Variants in NSD2 observed in about 807,000 individuals in gnomAD.
The protein encoded by NSD2 is nuclear receptor binding SET domain protein 2, also known as histone-lysine N-methyltransferase NSD2.
NSD2 carries 12 observed loss-of-function variants against 139.0 expected under a neutral mutation model. The observed-to-expected ratio is 0.09, with a 90% confidence interval of 0.06 to 0.14. NSD2 has a LOEUF of 0.14. Among genes scored for constraint, NSD2 ranks in the 10% least tolerant of loss-of-function variants. The pLI, the probability that NSD2 is intolerant of heterozygous loss-of-function variation, is 1.00. For missense variants in NSD2, 1,155 were observed against 1,745.0 expected (o/e 0.66, Z 6.02); for synonymous variants, 669 against 648.7 (o/e 1.03, Z -0.48).
chr4:1,911,403 C>T (rs780007384), intron 3 of NSD2, among the ~76,000 whole-genome samples: 6 of 151,684 alleles, frequency 4.0e-5, no homozygotes, highest in African/African-American at 1.2e-4. Context: ...GCCTGGCCAA[C>T]GTGATGAAAC....
chr4:1,891,869 A>G (rs1471668983), intron 1 of NSD2, among the ~76,000 whole-genome samples: 2 of 151,220 alleles, frequency 1.3e-5, no homozygotes, highest in Non-Finnish European at 3.0e-5. Context: ...AAAAAAAAAA[A>G]AACAAAAAAA....
intron 6 of NSD2, among the ~76,000 whole-genome samples, chr4:1,934,322 T>C (rs371750049): frequency 5.9e-5 from 9 of 151,422 alleles, no homozygotes; most frequent in African/African-American, 2.2e-4. Context: ...CGACCTCAGG[T>C]GATCCGCCCA....
At chr4:1,891,981 C>T (rs1715606770) in intron 1 of NSD2, among the ~76,000 whole-genome samples, 1 of 152,028 alleles carries the variant, frequency 6.6e-6, no homozygotes, top group Non-Finnish European at 1.5e-5. Flanking sequence ...TCCCCATTGC[C>T]CTCTATGCTT....
chr4:1,956,198 T>G lies in NSD2; in HGVS notation c.2881+10T>G. On this transcript the variant is annotated intron_variant, in intron 15 of 21. Transcript: ENST00000508803. The surrounding 1 kb of genome is among the most constrained non-coding windows in gnomAD (Gnocchi z 5.3). ...AGAGTCTTCAAAAACGGTACGGAGA[T>G]ATTCAGATAGAGAGTGAGACAGCAC... 2 of 1,586,822 alleles carry G rather than the reference T, an allele frequency of 1.3e-6. No homozygotes were observed. The highest frequency in any genetic ancestry group is 1.7e-6 in the Non-Finnish European group (2 of 1,164,656).
intron 1 of NSD2, among the ~76,000 whole-genome samples, chr4:1,896,389 T>C (rs1716307579): frequency 6.6e-6 from 1 of 152,244 alleles, no homozygotes. Flanking sequence ...CATTAGGCAG[T>C]GTAGCTAGAC....
At chr4:1,897,132 T>C (rs914040518) in intron 1 of NSD2, among the ~76,000 whole-genome samples, 2 of 151,118 alleles carry the variant, frequency 1.3e-5, no homozygotes, top group Non-Finnish European at 2.9e-5. Flanking sequence ...ATCATACCAC[T>C]GCACTCCAGC....
At position 1,946,049 on chromosome 4, in the gene NSD2, A is replaced by G. The variant is rs1378796208; in HGVS notation, c.1882-5023A>G. On this transcript the variant is annotated intron_variant, in intron 9 of 21. Transcript: ENST00000508803. ...TGTAACATTTTATGCTTTTAAAATC[A>G]ATAGATTCATCACCTTAGTTTTTTA... 4 of 1,035,040 alleles carry G rather than the reference A, an allele frequency of 3.9e-6. No homozygotes were observed. In the African/African-American group the frequency reaches 6.7e-5, roughly 17 times the overall value. The allele number at this position is 1,035,040 out of a possible 1,614,324, so 64.1% of individuals were successfully genotyped here.
chr4:1,943,575 TGCTGGACTGTATGGCTGAGG>T, intron 9 of NSD2: 1 of 1,050,486 alleles, frequency 9.5e-7, no homozygotes, highest in Non-Finnish European at 1.1e-6. Flanking sequence ...CGCTTTAGGG[TGCTGGACTGTATGGCTGAGG>T]GCTGGTTGGG....
intron 6 of NSD2, among the ~76,000 whole-genome samples, chr4:1,932,146 T>TACACAGATGTCTGGGCACGGTGGC (rs1721712545): frequency 3.3e-5 from 5 of 152,272 alleles, no homozygotes; most frequent in Admixed American, 6.5e-5. Context: ...GTTAGAAATC[T>TACACAGATGTCTGGGCACGGTGGC]ACACAGATGT....
In NSD2 at chr4:1,978,869, G is replaced by A. The variant is rs1379056879; in HGVS notation, c.4058G>A (p.Arg1353Gln). The A allele has an allele frequency of 1.3e-6, 2 of 1,592,038 alleles. No homozygotes were observed. Among genetic ancestry groups the A allele is most frequent in the African/African-American group, 1.3e-5 (1 of 74,420 alleles). ...CCAGGGAAGCCGAAGGGGAAGAGGC[G>A]GCGGCGGAGGGGCTGGCGGAGAGTC... ...PEPGKPKGKRRRRRGWRRVTE... is the reference protein window; with the variant it reads ...PEPGKPKGKRQRRRGWRRVTE... The change falls in exon 22 of 22, where the codon CGG (arginine) becomes CAG (glutamine). Residue 1353 changes from arginine to glutamine, a missense_variant. By Grantham distance (43) the Arg-to-Gln change is conservative. Transcript: ENST00000508803.
At chr4:1,945,571 A>T (rs1237036598) in intron 9 of NSD2, 4 of 1,065,404 alleles carry the variant, frequency 3.8e-6, no homozygotes, top group African/African-American at 1.6e-5. Context: ...CTCTTGCCAG[A>T]AGCCTGATGT....
At chr4:1,897,504 T>A (rs188529715) in intron 1 of NSD2, among the ~76,000 whole-genome samples, 5,648 of 151,736 alleles carry the variant, frequency 0.037, 358 homozygotes, top group African/African-American at 0.13. Flanking sequence ...AAAAAAAAAA[T>A]TGTTTGGCAG....
intron 5 of NSD2, among the ~76,000 whole-genome samples, chr4:1,921,726 G>A (rs954005784): frequency 5.5e-5 from 8 of 144,962 alleles, no homozygotes; most frequent in African/African-American, 1.8e-4. Flanking sequence ...AGGTTGCAGC[G>A]AGCCAAAATC....
In NSD2 at chr4:1,973,119, A is replaced by G. The variant is rs1317972050; in HGVS notation, c.3373-1744A>G. Among the ~76,000 whole-genome samples, 1 of 152,208 alleles carries G rather than the reference A, an allele frequency of 6.6e-6. No homozygotes were observed. Among genetic ancestry groups the G allele is most frequent in the Non-Finnish European group, 1.5e-5 (1 of 68,040 alleles). Reference sequence around the variant, plus strand: ...CTTGGCCTCCCAAAGTACTGGGATTATAGGTGTGAGCCACCGCGCCCGGCC... The same window carrying G: ...CTTGGCCTCCCAAAGTACTGGGATTGTAGGTGTGAGCCACCGCGCCCGGCC... On this transcript the variant is annotated intron_variant, in intron 18 of 21. Coordinates refer to ENST00000508803, the MANE Select transcript of NSD2 (RefSeq NM_001042424.3). This position sits in a 1 kb window ranked among gnomAD's most constrained non-coding sequence, Gnocchi z 5.5.
rs1349024537 is a variant in NSD2, at chr4:1,872,579, TGTGTGTGTGTGTGAGAGA to T, written c.-30+1039_-30+1056del. ...AACGTGTATTTTGTGTGTGTGTGTG[TGTGTGTGTGTGTGAGAGA>T]GAGAGAGAGAGAGAGAGAGAGAGAG... On this transcript the variant is annotated intron_variant, in intron 1 of 21. Coordinates refer to ENST00000508803, the MANE Select transcript of NSD2 (RefSeq NM_001042424.3). Among the ~76,000 whole-genome samples the T allele has an allele frequency of 5.8e-5, 4 of 68,952 alleles. No individual in the cohort carries two copies. The East Asian group carries it at 2.0e-3, about 35-fold the overall frequency. The allele number at this position is 68,952 out of a possible 152,430, so 45.2% of individuals were successfully genotyped here. A position where few individuals can be genotyped will look rare whatever the true frequency, so the allele number is the denominator to read the frequency against.
At chr4:1,939,298 T>C (rs1722826278) in intron 8 of NSD2, 1 of 236,368 alleles carries the variant, frequency 4.2e-6, no homozygotes, top group Non-Finnish European at 8.5e-6. Context: ...ATTGTGGTTA[T>C]ATGTAAGACT....
At chr4:1,898,686 C>CAAAAA (rs1560586061) in intron 1 of NSD2, among the ~76,000 whole-genome samples, 15 of 146,822 alleles carry the variant, frequency 1.0e-4, no homozygotes, top group Non-Finnish European at 2.1e-4. Context: ...AAACAAAAAA[C>CAAAAA]ACACTTTTTT....
intron 1 of NSD2, among the ~76,000 whole-genome samples, chr4:1,898,396 G>A (rs1446217174): frequency 1.3e-5 from 2 of 152,192 alleles, no homozygotes; most frequent in East Asian, 1.9e-4. Flanking sequence ...CAGGTGCGGT[G>A]GCTCACGCCT....
At chr4:1,893,345 C>T (rs1715779362) in intron 1 of NSD2, among the ~76,000 whole-genome samples, 3 of 152,128 alleles carry the variant, frequency 2.0e-5, no homozygotes, top group Admixed American at 1.3e-4. Context: ...TGATGCATGC[C>T]TGTAGTCTCA....
Sources: allele counts gnomAD v4.1 joint callset (sites outside exome capture counted in the v4.1 genomes callset), GRCh38; gene constraint gnomAD v4.1.1; non-coding constraint Gnocchi (gnomAD v3.1); transcripts MANE v1.5; gene names NCBI Gene and HGNC (gene_info 2026-07-23, HGNC 2026-07-21).